PHF24: variants seen among roughly 807,000 people sequenced by gnomAD.
The protein encoded by PHF24 is PHD finger protein 24, also known as Galpha inhibitory interacting protein.
In PHF24, 25 loss-of-function variants were observed where a neutral mutation model predicts 42.6. The ratio of observed to expected loss-of-function variants is 0.59; its 90% CI spans 0.43 to 0.82. The LOEUF (loss-of-function observed/expected upper bound fraction) is 0.82, where lower values mean the gene tolerates loss of function less well. PHF24 is among the 40% of genes least tolerant of loss of function. The probability of loss-of-function intolerance (pLI) is 0.00; values close to 1 mark genes in which losing one functional copy is unlikely to be tolerated. For synonymous variants in PHF24, 185 were observed against 204.8 expected, an observed-to-expected ratio of 0.90 and a Z score of 0.83; for missense variants, 470 against 538.1, an observed-to-expected ratio of 0.87 and a Z score of 1.25.
upstream of PHF24, among the ~76,000 whole-genome samples, chr9:34,953,680 C>G (rs1320883674): frequency 6.6e-6 from 1 of 152,088 alleles, no homozygotes; most frequent in Non-Finnish European, 1.5e-5. The surrounding 1 kb of genome is among the most constrained non-coding windows in gnomAD (Gnocchi z 4.1). Context: ...TGTGGCGGTT[C>G]ACACCTGTAA....
chr9:34,911,510 C>A, the PHF24 span, among the ~76,000 whole-genome samples: 1 of 152,176 alleles, frequency 6.6e-6, no homozygotes, highest in Non-Finnish European at 1.5e-5. Flanking sequence ...CCTCAGCCTC[C>A]CAAAGTGCCG....
At chr9:34,727,623 A>G in the PHF24 span, among the ~76,000 whole-genome samples, 1 of 152,282 alleles carries the variant, frequency 6.6e-6, no homozygotes, top group Admixed American at 6.5e-5. Flanking sequence ...AGAGTCAGGT[A>G]TTTTCCCTTG....
chr9:34,917,838 C>T, the PHF24 span: 17 of 1,476,682 alleles, frequency 1.2e-5, no homozygotes, highest in South Asian at 2.2e-5. Flanking sequence ...CTGGGTGGCT[C>T]GTTTCATCTT....
chr9:34,806,297 C>T, the PHF24 span, among the ~76,000 whole-genome samples: 1 of 151,980 alleles, frequency 6.6e-6, no homozygotes, highest in East Asian at 1.9e-4. Context: ...ATCTATAGAT[C>T]AATGTGGGGA....
chr9:34,850,141 G>A, the PHF24 span, among the ~76,000 whole-genome samples: 1 of 152,178 alleles, frequency 6.6e-6, no homozygotes, highest in Non-Finnish European at 1.5e-5. Flanking sequence ...GAATCTGAAT[G>A]TTGGCCTGCC....
At chr9:34,821,907 T>C in the PHF24 span, among the ~76,000 whole-genome samples, 46 of 152,184 alleles carry the variant, frequency 3.0e-4, no homozygotes, top group Non-Finnish European at 5.0e-4. Flanking sequence ...CCAAATCCCT[T>C]CAATAAACCC....
the PHF24 span, among the ~76,000 whole-genome samples, chr9:34,936,133 G>A: frequency 6.6e-6 from 1 of 151,468 alleles, no homozygotes; most frequent in African/African-American, 2.4e-5. Context: ...AAGCTGGACT[G>A]TACTGCCGCC....
the PHF24 span, among the ~76,000 whole-genome samples, chr9:34,891,517 C>T: frequency 6.6e-6 from 1 of 152,200 alleles, no homozygotes; most frequent in East Asian, 1.9e-4. Flanking sequence ...GGAAGACCCA[C>T]ATAGGTCAGG....
chr9:34,697,480 C>T, the PHF24 span, among the ~76,000 whole-genome samples: 7 of 152,144 alleles, frequency 4.6e-5, no homozygotes, highest in Admixed American at 1.3e-4. Context: ...CCATCATGCC[C>T]GGCTGACTTT....
At chr9:34,807,462 G>A in the PHF24 span, among the ~76,000 whole-genome samples, 1 of 152,094 alleles carries the variant, frequency 6.6e-6, no homozygotes, top group African/African-American at 2.4e-5. Flanking sequence ...GAAAAGCCGT[G>A]GTTGGAAGGC....
At chr9:34,883,498 G>A in the PHF24 span, among the ~76,000 whole-genome samples, 1 of 152,108 alleles carries the variant, frequency 6.6e-6, no homozygotes, top group Non-Finnish European at 1.5e-5. Context: ...AATCTACAAT[G>A]AACTCAAACA....
chr9:34,714,294 C>G, the PHF24 span, among the ~76,000 whole-genome samples: 1 of 151,446 alleles, frequency 6.6e-6, no homozygotes, highest in East Asian at 1.9e-4. Flanking sequence ...TTTTAAATTC[C>G]CAGCTCCCTG....
chr9:34,977,432 C>T (rs958089762), intron 6 of PHF24, 114 bp from the exon 7 acceptor site: 1 of 1,265,004 alleles, frequency 7.9e-7, no homozygotes, highest in Non-Finnish European at 1.1e-6. Context: ...TCGGTGTTGC[C>T]ACATGTCAGA....
the PHF24 span, among the ~76,000 whole-genome samples, chr9:34,848,746 A>G: frequency 1.1e-4 from 16 of 151,960 alleles, no homozygotes; most frequent in African/African-American, 3.9e-4. Flanking sequence ...TTAGTGCTAT[A>G]AATTTCCCTC....
the PHF24 span, among the ~76,000 whole-genome samples, chr9:34,757,260 A>G: frequency 1.7e-5 from 1 of 57,246 alleles, no homozygotes; most frequent in African/African-American, 6.0e-5. Context: ...GGTTAAATTT[A>G]TTTCTAGTTT....
At chr9:34,977,276 G>C in intron 6 of PHF24, 33 bp downstream of exon 6, 2 of 1,551,550 alleles carry the variant, frequency 1.3e-6, no homozygotes, top group African/African-American at 1.4e-5. Context: ...TCCCCACTCA[G>C]CCTCTCCTCC....
At chr9:34,977,793 AG>A in intron 7 of PHF24, 152 bp downstream of exon 7, 1 of 767,018 alleles carries the variant, frequency 1.3e-6, no homozygotes, top group Non-Finnish European at 2.2e-6. Context: ...CCAAGTCTAT[AG>A]GACCAGCCAG....
chr9:34,666,958 C>CAA, the PHF24 span, among the ~76,000 whole-genome samples: 2 of 152,194 alleles, frequency 1.3e-5, no homozygotes, highest in East Asian at 3.9e-4. Flanking sequence ...CAAAACAAAA[C>CAA]AAAACAACCA....
upstream of PHF24, among the ~76,000 whole-genome samples, chr9:34,957,162 C>T (rs1826393620): frequency 6.6e-6 from 1 of 152,154 alleles, no homozygotes; most frequent in Non-Finnish European, 1.5e-5. Flanking sequence ...ACCATACTTG[C>T]CTTATATCCT....
Sources: gnomAD v4.1 joint callset for allele counts (sites outside exome capture counted in the v4.1 genomes callset) on GRCh38, gnomAD v4.1.1 for gene constraint, Gnocchi (gnomAD v3.1) non-coding constraint, MANE v1.5 for transcripts, NCBI Gene and HGNC (gene_info 2026-07-23, HGNC 2026-07-21) for gene names.